The following HPF1 variants were observed in gnomAD, a reference collection of about 807,000 sequenced individuals.
The protein encoded by HPF1 is UPF0609 protein C4orf27.
In HPF1, 35 loss-of-function variants were observed where a neutral mutation model predicts 38.8. The observed-to-expected ratio is 0.90, with a 90% CI of 0.69 to 1.19. The LOEUF is 1.19. Among genes scored for constraint, HPF1 ranks in the 50% most tolerant of loss-of-function variants. HPF1 has a pLI of 0.00. For synonymous variants in HPF1, 115 were observed against 139.2 expected, an observed-to-expected ratio of 0.83 and a Z score of 1.22; for missense variants, 367 against 405.8, an observed-to-expected ratio of 0.90 and a Z score of 0.82.
intron 2 of HPF1, among the ~76,000 whole-genome samples, chr4:169,752,578 T>G (rs1156980292): frequency 1.3e-5 from 2 of 152,186 alleles, no homozygotes; most frequent in Non-Finnish European, 2.9e-5. Context: ...CTCTCCCCCA[T>G]GCTATTTTTA....
At chr4:169,753,418 G>A (rs1479957798) in intron 2 of HPF1, among the ~76,000 whole-genome samples, 1 of 152,186 alleles carries the variant, frequency 6.6e-6, no homozygotes, top group African/African-American at 2.4e-5. Flanking sequence ...AAACCACTGA[G>A]CTCAAGGAGG....
chr4:169,740,090 G>A (rs1280174034), intron 5 of HPF1, among the ~76,000 whole-genome samples: 1 of 152,180 alleles, frequency 6.6e-6, no homozygotes, highest in African/African-American at 2.4e-5. Context: ...TGAAGCATGG[G>A]ATCACAGGTG....
At chr4:169,744,520 C>T (rs1017228650) in intron 4 of HPF1, among the ~76,000 whole-genome samples, 2 of 152,142 alleles carry the variant, frequency 1.3e-5, no homozygotes, top group African/African-American at 2.4e-5. Context: ...ATGTCTTCAA[C>T]GCAAATGAAT....
intron 2 of HPF1, among the ~76,000 whole-genome samples, chr4:169,751,071 G>A (rs1447768546): frequency 6.6e-6 from 1 of 152,102 alleles, no homozygotes; most frequent in Non-Finnish European, 1.5e-5. Context: ...GTACACACAG[G>A]TTAAGGGAGA....
At chr4:169,735,802 G>A (rs552458709) in intron 6 of HPF1, among the ~76,000 whole-genome samples, 3 of 152,114 alleles carry the variant, frequency 2.0e-5, no homozygotes, top group African/African-American at 7.2e-5. Flanking sequence ...GGTCCCATCA[G>A]AGACTAATTG....
At chr4:169,736,515 C>T (rs1542873) in intron 6 of HPF1, among the ~76,000 whole-genome samples, 1 of 152,120 alleles carries the variant, frequency 6.6e-6, no homozygotes, top group Non-Finnish European at 1.5e-5. Flanking sequence ...ACAGCAAAAA[C>T]AGGTCCGTAT....
Position 169,753,852 on chromosome 4 carries a change from A to C in HPF1, c.49-17T>G. ...TTTTTCACACTGAAAATTGGCACACAAACTTTAGTTCTCCAAATTTCAGTA... is the reference window on the plus strand; with the variant it reads ...TTTTTCACACTGAAAATTGGCACACCAACTTTAGTTCTCCAAATTTCAGTA... On this transcript the variant is annotated splice_polypyrimidine_tract_variant and intron_variant, in intron 1 of 7. Transcript: ENST00000393381. 1 of 1,599,438 alleles carries C rather than the reference A, an allele frequency of 6.3e-7. No individual in the cohort carries two copies. Among genetic ancestry groups the C allele is most frequent in the Non-Finnish European group, 8.5e-7 (1 of 1,173,978 alleles).
At chr4:169,749,621 T>A (rs1734093206) in intron 3 of HPF1, among the ~76,000 whole-genome samples, 1 of 151,602 alleles carries the variant, frequency 6.6e-6, no homozygotes, top group Non-Finnish European at 1.5e-5. Flanking sequence ...AATTTGCCAG[T>A]TTTAAGCTCC....
chr4:169,737,646 A>G lies in HPF1; in HGVS notation c.736+14T>C, dbSNP rs768374427. ...ATTAACATATATGCACATGTTTACTATGAAATACATTACCATCTGTTTCAG... is the reference window on the plus strand; with the variant it reads ...ATTAACATATATGCACATGTTTACTGTGAAATACATTACCATCTGTTTCAG... On this transcript the variant is annotated intron_variant, in intron 6 of 7. Coordinates refer to ENST00000393381, the MANE Select transcript of HPF1 (RefSeq NM_017867.3). The G allele has an allele frequency of 6.0e-6, 9 of 1,498,634 alleles. No individual in the cohort carries two copies. In the African/African-American group the frequency reaches 1.2e-4, roughly 21 times the overall value. 92.8% of individuals were successfully genotyped at this position (1,498,634 alleles called of 1,614,324 possible).
intron 5 of HPF1, among the ~76,000 whole-genome samples, chr4:169,738,799 C>T (rs1305171529): frequency 1.3e-5 from 2 of 152,174 alleles, no homozygotes; most frequent in Non-Finnish European, 2.9e-5. Context: ...CCATGGAATA[C>T]TATGCAGCCA....
At chr4:169,750,122 G>A (rs748399764) in intron 3 of HPF1, among the ~76,000 whole-genome samples, 1 of 152,092 alleles carries the variant, frequency 6.6e-6, no homozygotes, top group Non-Finnish European at 1.5e-5. Flanking sequence ...ATTGTTACAA[G>A]ACAGGAAACC....
chr4:169,730,151 C>T (rs1287518590), intron 7 of HPF1, among the ~76,000 whole-genome samples: 2 of 152,182 alleles, frequency 1.3e-5, no homozygotes, highest in Non-Finnish European at 2.9e-5. Flanking sequence ...CAACACGTAC[C>T]GCCTCCCAAT....
At chr4:169,746,985 CT>C (rs372582807) in intron 4 of HPF1, among the ~76,000 whole-genome samples, 50 of 48,190 alleles carry the variant, frequency 1.0e-3, no homozygotes, top group African/African-American at 2.6e-3. Context: ...ATTATGTTAT[CT>C]TTTTTTAAAA....
chr4:169,751,920 A>T (rs1734124375), intron 2 of HPF1, among the ~76,000 whole-genome samples: 1 of 152,178 alleles, frequency 6.6e-6, no homozygotes, highest in Non-Finnish European at 1.5e-5. Context: ...ACAAACATGT[A>T]ACAAACTGAG....
At position 169,753,185 on chromosome 4, in the gene HPF1, C is replaced by T. The variant is rs10016639; in HGVS notation, c.208+491G>A. The stretch of plus-strand genomic sequence containing the variant: ...AGTAGCTGGGACTACAGGTGTGCAC[C>T]ACCATGCCCAGCTAAATTTTGTATT... On this transcript the variant is annotated intron_variant, in intron 2 of 7. Coordinates refer to ENST00000393381, the MANE Select transcript of HPF1 (RefSeq NM_017867.3). 2.8e-3 allele frequency among the ~76,000 whole-genome samples: 431 copies of T among 151,986 alleles called. 5 individuals are homozygous for T. The highest frequency in any genetic ancestry group is 0.017 in the Middle Eastern group (5 of 292).
intron 1 of HPF1, among the ~76,000 whole-genome samples, chr4:169,755,756 T>C (rs999845728): frequency 6.6e-6 from 1 of 152,236 alleles, no homozygotes; most frequent in African/African-American, 2.4e-5. Flanking sequence ...TCATGGGAGA[T>C]AAGCCTATTT....
At chr4:169,756,476 G>C (rs1389263890) in intron 1 of HPF1, among the ~76,000 whole-genome samples, 9 of 152,154 alleles carry the variant, frequency 5.9e-5, no homozygotes, top group South Asian at 4.1e-4. Context: ...GTTAGAAAAG[G>C]CTTAATCTGC....
chr4:169,745,369 C>T (rs1734034495), intron 4 of HPF1, among the ~76,000 whole-genome samples: 2 of 152,148 alleles, frequency 1.3e-5, no homozygotes, highest in Non-Finnish European at 2.9e-5. Context: ...GTCAAAGCAC[C>T]CCCAAGAGTC....
chr4:169,750,812 T>C, intron 2 of HPF1, 87 bp from the exon 3 acceptor site: 1 of 1,046,682 alleles, frequency 9.6e-7, no homozygotes, highest in Non-Finnish European at 1.4e-6. Flanking sequence ...TAAGCAATTG[T>C]CTTTAAAAAG....
Sources: gnomAD v4.1 joint callset for allele counts (sites outside exome capture counted in the v4.1 genomes callset) on GRCh38, gnomAD v4.1.1 for gene constraint, MANE v1.5 for transcripts, NCBI Gene and HGNC (gene_info 2026-07-23, HGNC 2026-07-21) for gene names.